The following MAML3 variants were observed in gnomAD, a reference collection of about 807,000 sequenced individuals.
The protein encoded by MAML3 is mastermind-like protein 3.
Under a neutral mutation model 101.9 loss-of-function variants are expected in MAML3, and 27 were observed. That is an observed-to-expected ratio of 0.27 (90% CI 0.20 to 0.37). The LOEUF is 0.37. Ranked by LOEUF, MAML3 falls within the 10% of genes least tolerant of loss-of-function variation. MAML3 has a pLI of 1.00. For synonymous variants in MAML3, 501 were observed against 555.9 expected (o/e 0.90, Z 1.39); for missense variants, 1,316 against 1,444.9 (o/e 0.91, Z 1.45).
At chr4:139,817,068 G>A (rs779452037) in intron 2 of MAML3, among the ~76,000 whole-genome samples, 1 of 152,098 alleles carries the variant, frequency 6.6e-6, no homozygotes, top group Non-Finnish European at 1.5e-5. Flanking sequence ...ACATACCTCT[G>A]CCATGATGTC....
At chr4:140,140,124 C>T (rs1017143985) in intron 1 of MAML3, among the ~76,000 whole-genome samples, 1 of 152,114 alleles carries the variant, frequency 6.6e-6, no homozygotes, top group African/African-American at 2.4e-5. Flanking sequence ...GAGTTCGAGA[C>T]CAGCCTGGCC....
intron 1 of MAML3, among the ~76,000 whole-genome samples, chr4:140,040,928 AC>A (rs1453872050): frequency 6.6e-6 from 1 of 152,112 alleles, no homozygotes; most frequent in East Asian, 1.9e-4. Flanking sequence ...GAACAGAACT[AC>A]AATTACTATT....
At chr4:140,057,814 A>C (rs1427761098) in intron 1 of MAML3, among the ~76,000 whole-genome samples, 1 of 151,948 alleles carries the variant, frequency 6.6e-6, no homozygotes. Flanking sequence ...GTTCTCTGCT[A>C]TTTTTGTCCT....
chr4:139,898,550 C>G, intron 1 of MAML3, among the ~76,000 whole-genome samples: 1 of 152,198 alleles, frequency 6.6e-6, no homozygotes, highest in East Asian at 1.9e-4. Context: ...CCTCTTCAAC[C>G]AAAAGTGTGA....
At chr4:139,774,327 T>C (rs983616755) in intron 2 of MAML3, among the ~76,000 whole-genome samples, 7 of 152,374 alleles carry the variant, frequency 4.6e-5, no homozygotes, top group South Asian at 2.1e-4. Context: ...GTAAGCAACA[T>C]GAGGGCAGGG....
intron 2 of MAML3, among the ~76,000 whole-genome samples, chr4:139,779,349 G>A (rs563906026): frequency 8.5e-5 from 13 of 152,236 alleles, no homozygotes; most frequent in African/African-American, 3.1e-4. Flanking sequence ...ATCCCAAAGT[G>A]TTATCATCAG....
intron 1 of MAML3, among the ~76,000 whole-genome samples, chr4:139,967,425 G>GA (rs1734154636): frequency 6.7e-6 from 1 of 149,246 alleles, no homozygotes; most frequent in Non-Finnish European, 1.5e-5. Flanking sequence ...CTCCCCTTTT[G>GA]AAAAAATAAC....
At chr4:140,151,690 CGGGGGGG>C (rs397995581) in intron 1 of MAML3, among the ~76,000 whole-genome samples, 14 of 125,634 alleles carry the variant, frequency 1.1e-4, no homozygotes, top group African/African-American at 3.7e-4. Context: ...CGGCGCGGTG[CGGGGGGG>C]GGGGGCACAC....
chr4:140,015,769 C>A (rs1032223485), intron 1 of MAML3, among the ~76,000 whole-genome samples: 1 of 152,172 alleles, frequency 6.6e-6, no homozygotes, highest in Non-Finnish European at 1.5e-5. Context: ...GCCTAGCCAA[C>A]ATGGTGAAAT....
intron 1 of MAML3, among the ~76,000 whole-genome samples, chr4:140,079,362 C>T (rs749304876): frequency 2.0e-5 from 3 of 152,136 alleles, no homozygotes; most frequent in Non-Finnish European, 4.4e-5. Flanking sequence ...GGCACAATCT[C>T]GGCTCACTGC....
chr4:140,140,701 C>T (rs1445319434), intron 1 of MAML3, among the ~76,000 whole-genome samples: 1 of 152,186 alleles, frequency 6.6e-6, no homozygotes, highest in African/African-American at 2.4e-5. Flanking sequence ...GTTTAGGCGC[C>T]GAATCACGTA....
chr4:140,152,318 A>T (rs2111070669), intron 1 of MAML3, among the ~76,000 whole-genome samples: 1 of 152,288 alleles, frequency 6.6e-6, no homozygotes, highest in Non-Finnish European at 1.5e-5. Context: ...AGGAGGCGAG[A>T]GGCTCTCCTT....
chr4:139,778,677 C>T (rs998658463), intron 2 of MAML3, among the ~76,000 whole-genome samples: 1 of 152,154 alleles, frequency 6.6e-6, no homozygotes, highest in East Asian at 1.9e-4. Flanking sequence ...TGTGGTTCCA[C>T]GTTCCCACAG....
intron 1 of MAML3, among the ~76,000 whole-genome samples, chr4:139,977,872 CAAAA>C (rs1269869222): frequency 6.8e-5 from 10 of 147,594 alleles, no homozygotes; most frequent in Non-Finnish European, 1.2e-4. Flanking sequence ...AACTCCCTAA[CAAAA>C]AAACAAAAAA....
chr4:140,141,143 A>G (rs1409366817), intron 1 of MAML3, among the ~76,000 whole-genome samples: 1 of 152,204 alleles, frequency 6.6e-6, no homozygotes, highest in Non-Finnish European at 1.5e-5. Context: ...CTGTGAAAAT[A>G]TAGACGATAA....
chr4:139,806,952 A>C (rs574965486), intron 2 of MAML3, among the ~76,000 whole-genome samples: 4 of 152,368 alleles, frequency 2.6e-5, no homozygotes, highest in South Asian at 2.1e-4. Flanking sequence ...AGGATTATGC[A>C]TGATTTTAAA....
chr4:140,098,175 C>T (rs1385258138), intron 1 of MAML3, among the ~76,000 whole-genome samples: 1 of 152,078 alleles, frequency 6.6e-6, no homozygotes, highest in Non-Finnish European at 1.5e-5. Flanking sequence ...TTTATTTATA[C>T]CCAAACAATA....
intron 2 of MAML3, among the ~76,000 whole-genome samples, chr4:139,813,578 G>C (rs1213588463): frequency 6.6e-6 from 1 of 152,124 alleles, no homozygotes; most frequent in Non-Finnish European, 1.5e-5. Flanking sequence ...ACAGAATAAA[G>C]CTATTTTCAT....
intron 1 of MAML3, among the ~76,000 whole-genome samples, chr4:139,997,111 C>T (rs558500624): frequency 1.8e-4 from 26 of 147,456 alleles, no homozygotes; most frequent in Non-Finnish European, 3.3e-4. Context: ...GACTCTGTCT[C>T]AAAAAAATAT....
Sources: allele counts gnomAD v4.1 joint callset (sites outside exome capture counted in the v4.1 genomes callset), GRCh38; gene constraint gnomAD v4.1.1; transcripts MANE v1.5; gene names NCBI Gene and HGNC (gene_info 2026-07-23, HGNC 2026-07-21).